The following PCDHGA8 variants were observed in gnomAD, a reference collection of about 807,000 sequenced individuals.
The protein encoded by PCDHGA8 is protocadherin gamma subfamily A, 8.
In PCDHGA8, 45 loss-of-function variants were observed where a neutral mutation model predicts 59.2. The observed-to-expected ratio is 0.76, with a 90% confidence interval of 0.60 to 0.98. The LOEUF (loss-of-function observed/expected upper bound fraction) is 0.98, where lower values mean the gene tolerates loss of function less well. Ranked by LOEUF, PCDHGA8 falls within the 50% of genes least tolerant of loss-of-function variation. PCDHGA8 has a pLI of 0.00. For synonymous variants in PCDHGA8, 531 were observed against 519.0 expected (o/e 1.02, Z -0.32); for missense variants, 1,257 against 1,196.2 (o/e 1.05, Z -0.75).
chr5:141,483,442 AATCATCAGGACTTGTTG>A (rs2099581330), intron 1 of PCDHGA8, among the ~76,000 whole-genome samples: 1 of 152,196 alleles, frequency 6.6e-6, no homozygotes, highest in Non-Finnish European at 1.5e-5. Context: ...ACTACAATAA[AATCATCAGGACTTGTTG>A]ATTGACATGA....
rs2097527384 is a variant in PCDHGA8 at position 141,432,674 on chromosome 5, A to G, written c.2424+37437A>G. 2 of 1,613,856 alleles carry G rather than the reference A, an allele frequency of 1.2e-6. No homozygotes were observed. The highest frequency in any genetic ancestry group is 4.5e-5 in the East Asian group (2 of 44,840). On this transcript the variant is annotated intron_variant, in intron 1 of 3. Coordinates refer to ENST00000398604, the MANE Select transcript of PCDHGA8 (RefSeq NM_032088.2). The surrounding 1 kb of genome is among the most constrained non-coding windows in gnomAD (Gnocchi z 6.0). ...AGCCCTGCTGGACAGAGACGCGCTCAAGCAGAGCCTCGTAGTGGCCGTCCA... is the reference window on the plus strand; with the variant it reads ...AGCCCTGCTGGACAGAGACGCGCTCGAGCAGAGCCTCGTAGTGGCCGTCCA...
At chr5:141,446,624 G>C (rs1433894248) in intron 1 of PCDHGA8, among the ~76,000 whole-genome samples, 1 of 151,930 alleles carries the variant, frequency 6.6e-6, no homozygotes, top group African/African-American at 2.4e-5. Flanking sequence ...CTACAGGCGT[G>C]CACCACCACG....
At chr5:141,449,252 T>C (rs1401555556) in intron 1 of PCDHGA8, among the ~76,000 whole-genome samples, 1 of 152,144 alleles carries the variant, frequency 6.6e-6, no homozygotes, top group Non-Finnish European at 1.5e-5. Flanking sequence ...GTTGCAAGAA[T>C]TGTACAAAGA....
intron 1 of PCDHGA8, chr5:141,399,589 A>T: frequency 6.2e-7 from 1 of 1,613,984 alleles, no homozygotes; most frequent in Non-Finnish European, 8.5e-7. Context: ...CTACTCTATC[A>T]TGGCCAGCGA....
chr5:141,414,995 G>C (rs1431326081), intron 1 of PCDHGA8: 14 of 1,613,640 alleles, frequency 8.7e-6, no homozygotes, highest in Non-Finnish European at 1.2e-5. Context: ...CAGAACGCCT[G>C]GCTGTCCTAC....
chr5:141,398,866 T>C, intron 1 of PCDHGA8: 1 of 1,613,962 alleles, frequency 6.2e-7, no homozygotes, highest in Non-Finnish European at 8.5e-7. Flanking sequence ...CCGAGACGTG[T>C]ACAGAGTCAG....
chr5:141,393,027 A>C lies in PCDHGA8; in HGVS notation c.214A>C (p.Thr72Pro), dbSNP rs868285753. ...HGVRIVSRGR[T>P]QLFALNPRSG... ...AGTCCGTATCGTCTCCAGAGGTAGGACGCAGCTCTTTGCTCTGAACCCGCG... is the reference window on the plus strand; with the variant it reads ...AGTCCGTATCGTCTCCAGAGGTAGGCCGCAGCTCTTTGCTCTGAACCCGCG... The change falls in exon 1 of 4, where the codon ACG becomes CCG. Residue 72 changes from threonine (T) to proline (P), a missense_variant. By Grantham distance (38) the Thr-to-Pro change is conservative. Coordinates refer to ENST00000398604, the MANE Select transcript of PCDHGA8 (RefSeq NM_032088.2). The C allele has an allele frequency of 1.2e-6, 2 of 1,613,818 alleles. No homozygotes were observed. Among genetic ancestry groups the C allele is most frequent in the Non-Finnish European group, 1.7e-6 (2 of 1,179,888 alleles).
rs889285153 is a variant in PCDHGA8, at chr5:141,494,978, T to C, written c.2483+113T>C. ...TGCTACAGATGGCTTCTCCCTCAGT[T>C]TGAGATCCCAGGGAGGTCTTGGTGT... On this transcript the variant is annotated intron_variant, in intron 2 of 3. Transcript: ENST00000398604. 7.6e-6 allele frequency: 12 copies of C among 1,572,974 alleles called. No homozygotes were observed. In the Admixed American group the frequency reaches 1.3e-4, roughly 17 times the overall value.
In PCDHGA8 at chr5:141,487,678, C is replaced by T. The variant is rs1416406108; in HGVS notation, c.2425-7129C>T. ...ATTCTGATCCAGGCATATGGCTAGG[C>T]CATGTCCTAGAGAGTACTGGCCTCT... On this transcript the variant is annotated intron_variant, in intron 1 of 3. Transcript: ENST00000398604. The surrounding 1 kb of genome is among the most constrained non-coding windows in gnomAD (Gnocchi z 5.0). 6.2e-7 allele frequency: 1 copy of T among 1,609,696 alleles called. No individual in the cohort carries two copies. Among genetic ancestry groups the T allele is most frequent in the South Asian group, 1.1e-5 (1 of 90,230 alleles).
rs751145850 is a variant in PCDHGA8 at position 141,432,148 on chromosome 5, G to A, written c.2424+36911G>A. The A allele has an allele frequency of 6.1e-5, 99 of 1,613,884 alleles. No individual in the cohort carries two copies. The Admixed American group carries it at 1.5e-3, about 24-fold the overall frequency. On this transcript the variant is annotated intron_variant, in intron 1 of 3. Transcript: ENST00000398604. The surrounding 1 kb of genome is among the most constrained non-coding windows in gnomAD (Gnocchi z 6.0). ...CCTCCTATTCCGCTTATATCCCAGA[G>A]AACAATCCCAGAGGAGTTTCCCTCG...
chr5:141,413,904 G>T (rs1230344912), intron 1 of PCDHGA8: 3 of 1,613,160 alleles, frequency 1.9e-6, no homozygotes, highest in East Asian at 2.2e-5. Context: ...ATGACAACGC[G>T]CCGGTCTTCA....
chr5:141,461,392 A>G (rs781666201), intron 1 of PCDHGA8, among the ~76,000 whole-genome samples: 18 of 152,178 alleles, frequency 1.2e-4, no homozygotes, highest in Non-Finnish European at 2.2e-4. Context: ...ATGATTAGCG[A>G]TGTTGAGCAT....
At chr5:141,422,515 AGCCCGC>A in intron 1 of PCDHGA8, 1 of 1,614,044 alleles carries the variant, frequency 6.2e-7, no homozygotes, top group Non-Finnish European at 8.5e-7. Flanking sequence ...AGACCAGGGA[AGCCCGC>A]CTTTGTCTGC....
intron 1 of PCDHGA8, chr5:141,399,873 C>T (rs1331485851): frequency 1.9e-6 from 3 of 1,612,836 alleles, no homozygotes; most frequent in Non-Finnish European, 2.5e-6. Context: ...AGCCCGGCTA[C>T]CTGGTGACCA....
intron 1 of PCDHGA8, chr5:141,414,893 C>T: frequency 6.2e-7 from 1 of 1,614,248 alleles, no homozygotes; most frequent in Non-Finnish European, 8.5e-7. Context: ...GCCCTCCCCA[C>T]AGACGGTTCC....
At chr5:141,446,093 GA>G (rs1217618203) in intron 1 of PCDHGA8, among the ~76,000 whole-genome samples, 1 of 152,118 alleles carries the variant, frequency 6.6e-6, no homozygotes, top group Admixed American at 6.5e-5. Flanking sequence ...ATAAATGGAT[GA>G]ATTATAGATA....
rs1173627393 is a variant in PCDHGA8 at position 141,487,102 on chromosome 5, G to A, written c.2425-7705G>A. ...CAGCTGACCTCCCACCACAGAAGCT[G>A]GTCATTGTGGTAAAGGATAGTGGTA... On this transcript the variant is annotated intron_variant, in intron 1 of 3. Coordinates refer to ENST00000398604, the MANE Select transcript of PCDHGA8 (RefSeq NM_032088.2). This position sits in a 1 kb window ranked among gnomAD's most constrained non-coding sequence, Gnocchi z 5.0. 1 of 1,613,900 alleles carries A rather than the reference G, an allele frequency of 6.2e-7. No homozygotes were observed.
chr5:141,415,482 G>C, intron 1 of PCDHGA8: 1 of 1,614,218 alleles, frequency 6.2e-7, no homozygotes, highest in Non-Finnish European at 8.5e-7. Context: ...ACTCGCGAAA[G>C]AGTCACCTGA....
chr5:141,476,672 A>T lies in PCDHGA8; in HGVS notation c.2425-18135A>T. 6.2e-7 allele frequency: 1 copy of T among 1,614,206 alleles called. No individual in the cohort carries two copies. Among genetic ancestry groups the T allele is most frequent in the African/African-American group, 1.3e-5 (1 of 75,058 alleles). ...TGAATACTTTGCGCTTCGCGTGCAG[A>T]CGCGGGAGGACAGCACCAAGTACGC... On this transcript the variant is annotated intron_variant, in intron 1 of 3. Transcript: ENST00000398604. The surrounding 1 kb of genome is among the most constrained non-coding windows in gnomAD (Gnocchi z 7.6).
Sources: allele counts gnomAD v4.1 joint callset (sites outside exome capture counted in the v4.1 genomes callset), GRCh38; gene constraint gnomAD v4.1.1; non-coding constraint Gnocchi (gnomAD v3.1); transcripts MANE v1.5; gene names NCBI Gene and HGNC (gene_info 2026-07-23, HGNC 2026-07-21).